CEP112: variants seen among roughly 807,000 people sequenced by gnomAD.
CEP112 encodes centrosomal protein 112.
In CEP112, 127 loss-of-function variants were observed where a neutral mutation model predicts 153.0. That is an observed-to-expected ratio of 0.83 (90% CI 0.72 to 0.96). CEP112 has a LOEUF of 0.96. CEP112 is among the 40% of genes least tolerant of loss of function. The probability of loss-of-function intolerance (pLI) is 0.00; values close to 1 mark genes in which losing one functional copy is unlikely to be tolerated. For missense variants in CEP112, 1,089 were observed against 1,101.2 expected, an observed-to-expected ratio of 0.99 and a Z score of 0.16; for synonymous variants, 358 against 374.4, an observed-to-expected ratio of 0.96 and a Z score of 0.51.
chr17:65,882,925 TC>T (rs1416868562), intron 20 of CEP112, among the ~76,000 whole-genome samples: 1 of 152,164 alleles, frequency 6.6e-6, no homozygotes, highest in African/African-American at 2.4e-5. Flanking sequence ...GTTTGACTCC[TC>T]AAGGGGCCCT....
chr17:65,918,535 T>A (rs569268388), intron 19 of CEP112, among the ~76,000 whole-genome samples: 2 of 152,318 alleles, frequency 1.3e-5, no homozygotes, highest in East Asian at 3.9e-4. Flanking sequence ...CTGAACTACA[T>A]TTCTCCTTCA....
At chr17:66,108,413 T>C (rs1471896239) in intron 6 of CEP112, among the ~76,000 whole-genome samples, 1 of 151,712 alleles carries the variant, frequency 6.6e-6, no homozygotes, top group Non-Finnish European at 1.5e-5. Flanking sequence ...AACAACTCTA[T>C]AGGAAAAAAA....
rs115644718 is a variant in CEP112, at chr17:65,654,491, G to T, written c.2698-13426C>A. 4.9e-3 allele frequency among the ~76,000 whole-genome samples: 739 copies of T among 152,278 alleles called. 4 individuals are homozygous for T. The highest frequency in any genetic ancestry group is 0.017 in the African/African-American group (700 of 41,554). On this transcript the variant is annotated intron_variant, in intron 24 of 26. Coordinates refer to ENST00000535342, the MANE Select transcript of CEP112 (RefSeq NM_001199165.4). The stretch of plus-strand genomic sequence containing the variant: ...TGAAGCCTGCTGCTTAACAGGCCTG[G>T]GACTCCAAGGCAAGCGGGTGGCTGG...
At chr17:65,813,583 A>C (rs1172109229) in intron 21 of CEP112, among the ~76,000 whole-genome samples, 1 of 152,216 alleles carries the variant, frequency 6.6e-6, no homozygotes, top group Non-Finnish European at 1.5e-5. Context: ...TTGGTTCTGC[A>C]ACTTGTAGCT....
chr17:65,984,948 G>A (rs1451032998), intron 17 of CEP112, among the ~76,000 whole-genome samples: 1 of 152,156 alleles, frequency 6.6e-6, no homozygotes, highest in Non-Finnish European at 1.5e-5. Flanking sequence ...ATGTCCTGAG[G>A]AAGAAAGACT....
At chr17:66,090,190 T>C (rs886192246) in intron 8 of CEP112, among the ~76,000 whole-genome samples, 1 of 152,040 alleles carries the variant, frequency 6.6e-6, no homozygotes, top group South Asian at 2.1e-4. Flanking sequence ...AAGTGAAATC[T>C]TGATGCTCAA....
intron 18 of CEP112, among the ~76,000 whole-genome samples, chr17:65,954,545 T>C (rs2061942850): frequency 6.6e-6 from 1 of 151,908 alleles, no homozygotes; most frequent in Non-Finnish European, 1.5e-5. Flanking sequence ...ATTCAGAAGG[T>C]CAATTATTAA....
chr17:65,712,481 A>G (rs959151514), intron 23 of CEP112, among the ~76,000 whole-genome samples: 7 of 151,508 alleles, frequency 4.6e-5, no homozygotes, highest in Non-Finnish European at 5.9e-5. Context: ...AATAGTTTCA[A>G]GTACTTTTGA....
intron 12 of CEP112, among the ~76,000 whole-genome samples, chr17:66,051,104 C>T (rs1413288617): frequency 6.6e-6 from 1 of 151,340 alleles, no homozygotes; most frequent in East Asian, 1.9e-4. Flanking sequence ...CTCAGCCTCC[C>T]AACTAACTGG....
At chr17:65,990,055 T>G (rs1359782015) in intron 17 of CEP112, among the ~76,000 whole-genome samples, 1 of 152,108 alleles carries the variant, frequency 6.6e-6, no homozygotes, top group East Asian at 1.9e-4. Flanking sequence ...AGCAATTAAT[T>G]AAAACATACC....
intron 21 of CEP112, among the ~76,000 whole-genome samples, chr17:65,776,639 T>G (rs2053696802): frequency 6.6e-6 from 1 of 152,224 alleles, no homozygotes; most frequent in South Asian, 2.1e-4. Context: ...TTTAGATTAT[T>G]TCCAATACTT....
At chr17:65,650,573 A>C (rs982438793) in intron 24 of CEP112, among the ~76,000 whole-genome samples, 5 of 151,922 alleles carry the variant, frequency 3.3e-5, no homozygotes, top group African/African-American at 1.2e-4. Flanking sequence ...CTCTGTTTCT[A>C]CATCACAGAG....
rs776665574 is a variant in CEP112 at position 66,129,760 on chromosome 17, T to C, written c.628A>G (p.Ser210Gly). 11 of 1,610,976 alleles carry C rather than the reference T, an allele frequency of 6.8e-6. No individual in the cohort carries two copies. In the South Asian group the frequency reaches 1.2e-4, roughly 18 times the overall value. Residue 210 changes from serine to glycine, a missense_variant, in exon 6 of 27, where the codon AGT (serine) becomes GGT (glycine). Ser to Gly is a moderately conservative substitution (Grantham distance 56, BLOSUM62 0). Coordinates refer to ENST00000535342, the MANE Select transcript of CEP112 (RefSeq NM_001199165.4). ...DDSDIEARLN[S>G]WNLGIENPRY... ...CTTTTTTTTACCCCAAGATTCCAAC[T>C]ATTAAGGCGAGCTTCAATGTCACTA...
intron 21 of CEP112, among the ~76,000 whole-genome samples, chr17:65,759,590 A>G (rs911885651): frequency 6.6e-6 from 1 of 152,300 alleles, no homozygotes; most frequent in East Asian, 1.9e-4. Context: ...TAAAACAGTA[A>G]AATTCATGAC....
intron 12 of CEP112, among the ~76,000 whole-genome samples, chr17:66,031,919 G>A (rs1030923162): frequency 2.0e-5 from 3 of 152,154 alleles, no homozygotes; most frequent in Non-Finnish European, 4.4e-5. Flanking sequence ...GATGGTGGCC[G>A]AGGCAGCCAG....
Position 65,855,953 on chromosome 17 carries a change from A to G in CEP112, c.2164-3919T>C, listed in dbSNP as rs540001501. On this transcript the variant is annotated intron_variant, in intron 20 of 26. Transcript: ENST00000535342. The stretch of plus-strand genomic sequence containing the variant: ...GTGGGGTGTGCCTGTAGTCCCAGCT[A>G]CTCAGGAGGCTGAGGAAAGAAGATC... Among the ~76,000 whole-genome samples, 6 of 152,096 alleles carry G rather than the reference A, an allele frequency of 3.9e-5. No individual in the cohort carries two copies. The East Asian group carries it at 1.2e-3, about 30-fold the overall frequency.
intron 22 of CEP112, among the ~76,000 whole-genome samples, chr17:65,745,023 T>C (rs532225363): frequency 6.6e-6 from 1 of 152,322 alleles, no homozygotes; most frequent in African/African-American, 2.4e-5. Context: ...ATTACAGCAT[T>C]ATAAGGCAAT....
At chr17:65,991,897 A>G (rs1356904262) in intron 17 of CEP112, among the ~76,000 whole-genome samples, 3 of 152,162 alleles carry the variant, frequency 2.0e-5, no homozygotes, top group Non-Finnish European at 4.4e-5. Flanking sequence ...AAAATCCCAT[A>G]CAAGACCAAT....
intron 23 of CEP112, among the ~76,000 whole-genome samples, chr17:65,698,784 T>A (rs1474881920): frequency 1.3e-5 from 2 of 152,160 alleles, no homozygotes; most frequent in African/African-American, 4.8e-5. Context: ...CATAGAGGAA[T>A]TTCCTCGTCT....
Sources: allele counts gnomAD v4.1 joint callset (sites outside exome capture counted in the v4.1 genomes callset), GRCh38; gene constraint gnomAD v4.1.1; transcripts MANE v1.5; gene names NCBI Gene and HGNC (gene_info 2026-07-23, HGNC 2026-07-21).